KLF8: variants seen among roughly 807,000 people sequenced by gnomAD.
KLF8 encodes the protein KLF transcription factor 8, also known as Krueppel-like factor 8.
In KLF8, 10 loss-of-function variants were observed where a neutral mutation model predicts 18.2. That is an observed-to-expected ratio of 0.55 (90% CI 0.34 to 0.93). KLF8 has a LOEUF of 0.93. Ranked by LOEUF, KLF8 falls within the 40% of genes least tolerant of loss-of-function variation. The pLI is 0.02. For synonymous variants in KLF8, 109 were observed against 97.3 expected (o/e 1.12, Z -0.71); for missense variants, 264 against 277.9 (o/e 0.95, Z 0.36).
the KLF8 span, among the ~76,000 whole-genome samples, chrX:56,170,911 G>T: frequency 8.9e-6 from 1 of 111,884 alleles, no homozygotes; most frequent in Non-Finnish European, 1.9e-5. Context: ...GGTCAGAGAT[G>T]AAGAAAGCAT....
the KLF8 span, among the ~76,000 whole-genome samples, chrX:55,996,304 C>CT: frequency 4.5e-5 from 5 of 111,730 alleles, no homozygotes; most frequent in Admixed American, 4.7e-4. Context: ...TCAATTTTAA[C>CT]TTTCTCTTGA....
At chrX:56,000,368 A>G in the KLF8 span, among the ~76,000 whole-genome samples, 1 of 106,171 alleles carries the variant, frequency 9.4e-6, no homozygotes, top group African/African-American at 3.4e-5. Flanking sequence ...TGAGTCAGAG[A>G]GGATTCTCTC....
chrX:56,095,110 G>A, the KLF8 span, among the ~76,000 whole-genome samples: 1 of 111,595 alleles, frequency 9.0e-6, no homozygotes, highest in Non-Finnish European at 1.9e-5. Flanking sequence ...CATGGCACTG[G>A]TATAAAAATA....
At chrX:56,177,807 C>T in the KLF8 span, among the ~76,000 whole-genome samples, 1 of 111,644 alleles carries the variant, frequency 9.0e-6, no homozygotes, top group African/African-American at 3.3e-5. Flanking sequence ...AATGGGGTCA[C>T]CCCTCCCCCA....
chrX:56,192,408 G>A, the KLF8 span, among the ~76,000 whole-genome samples: 1 of 111,387 alleles, frequency 9.0e-6, no homozygotes, highest in African/African-American at 3.3e-5. Context: ...CAATCTACAG[G>A]TTCAATGCAA....
chrX:55,992,213 A>G, the KLF8 span, among the ~76,000 whole-genome samples: 1 of 112,271 alleles, frequency 8.9e-6, no homozygotes, highest in East Asian at 2.8e-4. Flanking sequence ...GATTTTTCCT[A>G]GAGTTTTTAT....
the KLF8 span, among the ~76,000 whole-genome samples, chrX:55,956,070 G>A: frequency 3.6e-5 from 4 of 110,142 alleles, no homozygotes; most frequent in African/African-American, 1.3e-4. Flanking sequence ...TAAGCATCAT[G>A]GGACTTCTCA....
the KLF8 span, among the ~76,000 whole-genome samples, chrX:56,207,558 T>C: frequency 7.6e-4 from 85 of 111,779 alleles, no homozygotes; most frequent in South Asian, 0.028. Flanking sequence ...ACCAGTCTCT[T>C]TGCTAAAGCA....
At chrX:55,959,264 A>T in the KLF8 span, among the ~76,000 whole-genome samples, 27 of 112,326 alleles carry the variant, frequency 2.4e-4, no homozygotes, top group East Asian at 4.5e-3. Context: ...ATAAAAAGCC[A>T]CATCCAAAAC....
the KLF8 span, among the ~76,000 whole-genome samples, chrX:56,016,739 A>T: frequency 9.0e-6 from 1 of 111,674 alleles, no homozygotes; most frequent in African/African-American, 3.3e-5. Context: ...AGGAGGAGTG[A>T]CCTGCCTAGT....
At chrX:55,957,234 T>C in the KLF8 span, among the ~76,000 whole-genome samples, 14 of 111,646 alleles carry the variant, frequency 1.3e-4, no homozygotes, top group African/African-American at 4.2e-4. Flanking sequence ...CTTTCTATTG[T>C]GTTACATTGG....
the KLF8 span, among the ~76,000 whole-genome samples, chrX:56,116,699 C>T: frequency 1.0e-5 from 1 of 98,300 alleles, no homozygotes; most frequent in South Asian, 4.9e-4. Flanking sequence ...AGATAATTAA[C>T]ATATCTATCA....
chrX:55,909,041 G>A, the KLF8 span, among the ~76,000 whole-genome samples: 1 of 110,949 alleles, frequency 9.0e-6, no homozygotes, highest in Non-Finnish European at 1.9e-5. Flanking sequence ...TTCTCCTCCA[G>A]GTATTAGAGC....
chrX:56,215,551 G>A, the KLF8 span, among the ~76,000 whole-genome samples: 16 of 109,248 alleles, frequency 1.5e-4, no homozygotes, highest in Non-Finnish European at 2.5e-4. Context: ...GGCTGGGTGC[G>A]GTGGCTCATG....
chrX:56,198,295 A>G, the KLF8 span, among the ~76,000 whole-genome samples: 1 of 111,953 alleles, frequency 8.9e-6, no homozygotes, highest in African/African-American at 3.2e-5. Context: ...AGGAAGTCAA[A>G]TTGTCCCTGT....
the KLF8 span, among the ~76,000 whole-genome samples, chrX:55,916,320 C>T: frequency 8.9e-6 from 1 of 111,754 alleles, no homozygotes; most frequent in African/African-American, 3.2e-5. Flanking sequence ...TTTCACTGCC[C>T]GTAGCCCTGG....
At chrX:56,222,416 G>A in the KLF8 span, among the ~76,000 whole-genome samples, 1 of 112,124 alleles carries the variant, frequency 8.9e-6, no homozygotes, top group Non-Finnish European at 1.9e-5. Context: ...TAGACACAGG[G>A]CGCTGATTGG....
chrX:56,252,657 A>G (rs1040356617), intron 2 of KLF8, among the ~76,000 whole-genome samples: 1 of 112,162 alleles, frequency 8.9e-6, no homozygotes, highest in Admixed American at 9.4e-5. Context: ...AATCTTAGCT[A>G]TTGTGAATAG....
At chrX:55,980,755 G>A in the KLF8 span, among the ~76,000 whole-genome samples, 1 of 111,972 alleles carries the variant, frequency 8.9e-6, no homozygotes, top group Non-Finnish European at 1.9e-5. Context: ...AGGCATTATG[G>A]ATGATGTGTG....
Sources: gnomAD v4.1 joint callset for allele counts (sites outside exome capture counted in the v4.1 genomes callset) on GRCh38, gnomAD v4.1.1 for gene constraint, MANE v1.5 for transcripts, NCBI Gene and HGNC (gene_info 2026-07-23, HGNC 2026-07-21) for gene names.